Variants in PHC1 observed in about 807,000 individuals in gnomAD.
The protein encoded by PHC1 is polyhomeotic homolog 1.
Under a neutral mutation model 104.3 loss-of-function variants are expected in PHC1, and 12 were observed. The ratio of observed to expected loss-of-function variants is 0.12; its 90% CI spans 0.07 to 0.19. The LOEUF is 0.19. Ranked by LOEUF, PHC1 falls within the 10% of genes least tolerant of loss-of-function variation. PHC1 has a pLI of 1.00. For synonymous variants in PHC1, 302 were observed against 455.8 expected (o/e 0.66, Z 4.30); for missense variants, 671 against 1,200.0 (o/e 0.56, Z 6.51).
At position 8,920,990 on chromosome 12, in the gene PHC1, A is replaced by G. The variant is rs755195521; in HGVS notation, c.231A>G (p.Thr77=). The change falls in exon 4 of 15, where the codon ACA becomes ACG. Residue 77 remains threonine (T), a synonymous_variant. Coordinates refer to ENST00000544916, the MANE Select transcript of PHC1 (RefSeq NM_004426.3). ...TTTCCCTTCCCCTTTAATAGGCCAC[A>G]ATTGCTGCCAGTCGGCAGGCCAGCT... ...LHSLAAVQQA[T]IAASRQASSP... is the part of the protein sequence containing the mutation. 1.1e-5 allele frequency: 17 copies of G among 1,611,588 alleles called. No homozygotes were observed. In the Admixed American group the frequency reaches 2.5e-4, roughly 24 times the overall value.
upstream of PHC1, among the ~76,000 whole-genome samples, chr12:8,914,226 C>T (rs117164187): frequency 2.0e-5 from 3 of 152,206 alleles, no homozygotes; most frequent in Non-Finnish European, 4.4e-5. Flanking sequence ...GAGGTGCGTT[C>T]CCCACTAGAG....
chr12:8,920,882 A>G, intron 3 of PHC1, 103 bp from the exon 4 acceptor site: 1 of 738,224 alleles, frequency 1.4e-6, no homozygotes, highest in East Asian at 2.6e-5. Context: ...CCTGTTTATA[A>G]TGTGAAATCT....
chr12:8,921,849 T>C, intron 5 of PHC1, 99 bp downstream of exon 5: 1 of 1,197,278 alleles, frequency 8.4e-7, no homozygotes, highest in Non-Finnish European at 1.2e-6. Context: ...AATCTCGCTA[T>C]GTCACCCAGG....
upstream of PHC1, among the ~76,000 whole-genome samples, chr12:8,914,329 G>GA (rs1326177898): frequency 1.0e-3 from 155 of 151,824 alleles, 1 homozygote; most frequent in Non-Finnish European, 4.0e-4. Context: ...AGCAAGAGAG[G>GA]AAAAAACCCC....
chr12:8,931,026 C>A, intron 7 of PHC1, 99 bp downstream of exon 7: 1 of 1,262,412 alleles, frequency 7.9e-7, no homozygotes. Flanking sequence ...TTTGTTTTTT[C>A]CCCGCTTCTG....
chr12:8,921,615 C>A lies in PHC1; in HGVS notation c.321C>A (p.Thr107=), dbSNP rs1189037903. ...GTACCACACAGATCAATCTGGCCAC[C>A]ACATCGGCCGCCCAGCTCATCAGCC... is the stretch of plus-strand genomic sequence containing the variant. The part of the protein sequence containing the change: ...TTTQASINLA[T]TSAAQLISRS... The change falls in exon 5 of 15, where the codon ACC becomes ACA. Residue 107 remains threonine (T), a synonymous_variant. Transcript: ENST00000544916. 8.1e-6 allele frequency: 13 copies of A among 1,613,702 alleles called. No homozygotes were observed. The highest frequency in any genetic ancestry group is 1.0e-5 in the Non-Finnish European group (12 of 1,179,892).
In PHC1 at chr12:8,919,897, G is replaced by C; in HGVS notation, c.225+31G>C. ...AGGTCAGCAGCCAGCTGGCCCGAGA[G>C]GGAGGGGACAGGCACTACAGGTGGG... On this transcript the variant is annotated intron_variant, in intron 3 of 14. Coordinates refer to ENST00000544916, the MANE Select transcript of PHC1 (RefSeq NM_004426.3). The surrounding 1 kb of genome is among the most constrained non-coding windows in gnomAD (Gnocchi z 4.9). 6.3e-7 allele frequency: 1 copy of C among 1,584,646 alleles called. No homozygotes were observed. Among genetic ancestry groups the C allele is most frequent in the South Asian group, 1.1e-5 (1 of 87,894 alleles).
At chr12:8,927,047 C>T (rs961837959) in intron 6 of PHC1, among the ~76,000 whole-genome samples, 1 of 152,044 alleles carries the variant, frequency 6.6e-6, no homozygotes, top group African/African-American at 2.4e-5. Context: ...CTGACAGAGG[C>T]GAATGGGAAA....
At chr12:8,931,990 A>C (rs2137110322) in intron 7 of PHC1, among the ~76,000 whole-genome samples, 1 of 152,340 alleles carries the variant, frequency 6.6e-6, no homozygotes, top group Non-Finnish European at 1.5e-5. Context: ...AAACTGAGTT[A>C]GGTCAGAGCT....
At position 8,938,080 on chromosome 12, in the gene PHC1, C is replaced by G; in HGVS notation, c.2860+20C>G. On this transcript the variant is annotated intron_variant, in intron 14 of 14. Transcript: ENST00000544916. The stretch of plus-strand genomic sequence containing the variant: ...TCCAAGGTACTGACCCTCTCTTCAA[C>G]AGAACCCAGGTTGTTTTCCTTAACA... The G allele has an allele frequency of 6.4e-7, 1 of 1,561,226 alleles. No individual in the cohort carries two copies. The highest frequency in any genetic ancestry group is 8.8e-7 in the Non-Finnish European group (1 of 1,135,920).
chr12:8,937,471 C>A, intron 13 of PHC1, 145 bp downstream of exon 13: 1 of 774,406 alleles, frequency 1.3e-6, no homozygotes, highest in Non-Finnish European at 2.0e-6. Flanking sequence ...TCCAAGAGAT[C>A]CTGACCCCCT....
At chr12:8,939,284 T>C (rs1945940768) in intron 14 of PHC1, 21 bp from the exon 15 acceptor site, 2 of 1,614,146 alleles carry the variant, frequency 1.2e-6, no homozygotes. Context: ...ATTACCTACA[T>C]GTTCTCACCA....
intron 6 of PHC1, among the ~76,000 whole-genome samples, chr12:8,929,336 G>C (rs1945616693): frequency 6.6e-6 from 1 of 152,028 alleles, no homozygotes; most frequent in Non-Finnish European, 1.5e-5. Flanking sequence ...CTAAAGTTCA[G>C]ATTCCTTGTT....
intron 6 of PHC1, among the ~76,000 whole-genome samples, chr12:8,927,130 T>C (rs1008995825): frequency 6.6e-6 from 1 of 152,194 alleles, no homozygotes; most frequent in Non-Finnish European, 1.5e-5. Context: ...GATGTGCATG[T>C]GTGCATGCGC....
At position 8,933,857 on chromosome 12, in the gene PHC1, C is replaced by T. The variant is rs367850564; in HGVS notation, c.1894-8C>T. On this transcript the variant is annotated splice_polypyrimidine_tract_variant and splice_region_variant and intron_variant, in intron 8 of 14. Coordinates refer to ENST00000544916, the MANE Select transcript of PHC1 (RefSeq NM_004426.3). ...ATCTTTGTTTCTTTCCTATTCTTTA[C>T]GGTATAGGGTAAACCCCAGACATTG... 1.8e-4 allele frequency: 282 copies of T among 1,606,802 alleles called. No homozygotes were observed. Among genetic ancestry groups the T allele is most frequent in the Middle Eastern group, 1.6e-4 (1 of 6,072 alleles).
intron 6 of PHC1, among the ~76,000 whole-genome samples, chr12:8,927,531 G>A (rs918077919): frequency 6.6e-6 from 1 of 152,118 alleles, no homozygotes; most frequent in Non-Finnish European, 1.5e-5. Flanking sequence ...TGATGGGTGT[G>A]TATGCAGATA....
At chr12:8,928,207 T>G (rs1376783407) in intron 6 of PHC1, among the ~76,000 whole-genome samples, 1 of 152,164 alleles carries the variant, frequency 6.6e-6, no homozygotes, top group Non-Finnish European at 1.5e-5. Flanking sequence ...TGCACCGGCC[T>G]ATTGTACTAG....
intron 6 of PHC1, among the ~76,000 whole-genome samples, chr12:8,926,365 C>T (rs1311021202): frequency 6.6e-6 from 1 of 152,194 alleles, no homozygotes; most frequent in Non-Finnish European, 1.5e-5. Flanking sequence ...GCCTATAATC[C>T]CAGCACTTTG....
At chr12:8,924,168 A>G (rs1422966299) in intron 6 of PHC1, among the ~76,000 whole-genome samples, 1 of 152,186 alleles carries the variant, frequency 6.6e-6, no homozygotes, top group Non-Finnish European at 1.5e-5. Context: ...GTCTTCAAAG[A>G]GCTTAGACAA....
Sources: allele counts gnomAD v4.1 joint callset (sites outside exome capture counted in the v4.1 genomes callset), GRCh38; gene constraint gnomAD v4.1.1; non-coding constraint Gnocchi (gnomAD v3.1); transcripts MANE v1.5; gene names NCBI Gene and HGNC (gene_info 2026-07-23, HGNC 2026-07-21).